MGAT5: variants seen among roughly 807,000 people sequenced by gnomAD.
MGAT5 encodes the protein alpha-1,6-mannosylglycoprotein 6-beta-N-acetylglucosaminyltransferase A.
MGAT5 carries 30 observed loss-of-function variants against 94.3 expected under a neutral mutation model. The observed-to-expected ratio is 0.32, with a 90% CI of 0.24 to 0.43. The LOEUF is 0.43. Ranked by LOEUF, MGAT5 falls within the 20% of genes least tolerant of loss-of-function variation. MGAT5 has a pLI of 1.00. For missense variants in MGAT5, 691 were observed against 905.5 expected (o/e 0.76, Z 3.04); for synonymous variants, 310 against 322.9 (o/e 0.96, Z 0.43).
At chr2:134,260,046 A>C (rs7586139) in intron 1 of MGAT5, among the ~76,000 whole-genome samples, 1 of 151,784 alleles carries the variant, frequency 6.6e-6, no homozygotes, top group South Asian at 2.1e-4. Flanking sequence ...GAGCATGCCA[A>C]GGAGAAGGCA....
Position 134,452,465 on chromosome 2 carries a change from A to C in MGAT5, c.*3618A>C, listed in dbSNP as rs1352506015. 6.6e-6 allele frequency: 1 copy of C among 152,224 alleles called. No individual in the cohort carries two copies. Among genetic ancestry groups the C allele is most frequent in the South Asian group, 2.1e-4 (1 of 4,834 alleles). The allele number at this position is 152,224 out of a possible 1,614,324, so 9.4% of individuals were successfully genotyped here. On this transcript the variant is annotated 3_prime_UTR_variant, in exon 16 of 16. Coordinates refer to ENST00000281923, the MANE Select transcript of MGAT5 (RefSeq NM_002410.5). ...TTCTTTAGTGAATGCAAGATTTAAT[A>C]AAAGTGAATAATGAGCTTCCCCTTT... is the stretch of plus-strand genomic sequence containing the variant.
intron 14 of MGAT5, among the ~76,000 whole-genome samples, chr2:134,429,089 C>A (rs574296355): frequency 6.6e-6 from 1 of 152,112 alleles, no homozygotes; most frequent in Non-Finnish European, 1.5e-5. Flanking sequence ...GACTCAGAAC[C>A]CCTGTGGGTA....
At chr2:134,368,269 T>C (rs931645397) in intron 10 of MGAT5, among the ~76,000 whole-genome samples, 25 of 152,158 alleles carry the variant, frequency 1.6e-4, no homozygotes, top group African/African-American at 5.8e-4. Context: ...AAAATGTTGC[T>C]CCTGGCTGCC....
At chr2:134,189,605 T>TTGTTTTGTTTTTG (rs761974546) in intron 1 of MGAT5, among the ~76,000 whole-genome samples, 1 of 106,624 alleles carries the variant, frequency 9.4e-6, no homozygotes, top group Non-Finnish European at 1.9e-5. Flanking sequence ...TTTTTTTGTT[T>TTGTTTTGTTTTTG]TTTTTTTTTT....
chr2:134,228,088 G>A (rs1681159235), intron 1 of MGAT5, among the ~76,000 whole-genome samples: 1 of 152,176 alleles, frequency 6.6e-6, no homozygotes. Context: ...GAGGAAAGGT[G>A]GGGATCCTCT....
At chr2:134,343,805 A>G (rs1242970923) in intron 7 of MGAT5, among the ~76,000 whole-genome samples, 3 of 152,202 alleles carry the variant, frequency 2.0e-5, no homozygotes, top group Non-Finnish European at 2.9e-5. Context: ...GAACACAGCC[A>G]TGCCTATTGT....
chr2:134,312,141 T>A (rs1484214586), intron 2 of MGAT5, among the ~76,000 whole-genome samples: 2 of 152,116 alleles, frequency 1.3e-5, no homozygotes, highest in Non-Finnish European at 2.9e-5. Flanking sequence ...TTCCAGCTAC[T>A]TGGGAGGCTG....
At chr2:134,381,382 T>TGAGA (rs1553457734) in intron 10 of MGAT5, among the ~76,000 whole-genome samples, 4 of 108,512 alleles carry the variant, frequency 3.7e-5, no homozygotes, top group Non-Finnish European at 7.9e-5. Context: ...ATAAGATAGA[T>TGAGA]TAGATAGATA....
chr2:134,432,349 A>T (rs537138986), intron 14 of MGAT5, among the ~76,000 whole-genome samples: 1 of 152,344 alleles, frequency 6.6e-6, no homozygotes, highest in East Asian at 1.9e-4. Context: ...GGAGGGTAAA[A>T]AAAAGAGTTA....
intron 1 of MGAT5, among the ~76,000 whole-genome samples, chr2:134,259,615 G>A (rs536033680): frequency 2.0e-5 from 3 of 152,272 alleles, no homozygotes; most frequent in East Asian, 3.9e-4. Context: ...ATCCCACTTT[G>A]CCTGCTGCCT....
At chr2:134,362,579 A>G (rs1444835781) in intron 10 of MGAT5, among the ~76,000 whole-genome samples, 171 bp downstream of exon 10, 1 of 152,244 alleles carries the variant, frequency 6.6e-6, no homozygotes, top group East Asian at 1.9e-4. Flanking sequence ...GTTTCTAACC[A>G]AGGCTGTATG....
chr2:134,350,442 C>G (rs1304568896), intron 9 of MGAT5, among the ~76,000 whole-genome samples: 1 of 151,702 alleles, frequency 6.6e-6, no homozygotes, highest in East Asian at 1.9e-4. Flanking sequence ...TTTTTCAATC[C>G]TAGGCCCAGA....
chr2:134,236,497 A>G (rs1257194), intron 1 of MGAT5, among the ~76,000 whole-genome samples: 101,172 of 152,022 alleles, frequency 0.67, 33,749 homozygotes, highest in South Asian at 0.69. Context: ...TGCTGTTCTC[A>G]TGATAGTGAG....
At chr2:134,197,405 G>T (rs60703395) in intron 1 of MGAT5, among the ~76,000 whole-genome samples, 1 of 152,234 alleles carries the variant, frequency 6.6e-6, no homozygotes, top group Admixed American at 6.5e-5. Context: ...AATTCAAAAG[G>T]TCGGTTGAGA....
At position 134,338,355 on chromosome 2, in the gene MGAT5, G is replaced by T. The variant is rs755158785; in HGVS notation, c.742G>T (p.Ala248Ser). ...ACTACGGATCCGGCGAATGGCTGAC[G>T]CATGGATCCAAGCAATCAAGTCCCT... ...MRLRIRRMAD[A>S]WIQAIKSLAE... Residue 248 changes from alanine (A) to serine (S), a missense_variant, in exon 6 of 16, where the codon GCA (alanine) becomes TCA (serine). Around this residue, in one of 4 missense-constraint regions of MGAT5, gnomAD observed 307 missense variants for 335.4 expected, o/e 0.92. Transcript: ENST00000281923. The T allele has an allele frequency of 2.5e-6, 4 of 1,612,844 alleles. No individual in the cohort carries two copies. Among genetic ancestry groups the T allele is most frequent in the Non-Finnish European group, 3.4e-6 (4 of 1,179,392 alleles).
At chr2:134,281,791 A>G (rs1684713011) in intron 2 of MGAT5, among the ~76,000 whole-genome samples, 2 of 152,222 alleles carry the variant, frequency 1.3e-5, no homozygotes, top group Non-Finnish European at 1.5e-5. Context: ...TCTAAACTCT[A>G]TGTTAATAGA....
At chr2:134,232,685 G>GT (rs1681431498) in intron 1 of MGAT5, among the ~76,000 whole-genome samples, 3 of 152,214 alleles carry the variant, frequency 2.0e-5, no homozygotes, top group South Asian at 4.1e-4. Flanking sequence ...CCTATGTAAT[G>GT]TTTTTTTAAT....
chr2:134,159,991 G>A (rs1315783237), intron 1 of MGAT5, among the ~76,000 whole-genome samples: 1 of 152,128 alleles, frequency 6.6e-6, no homozygotes, highest in Non-Finnish European at 1.5e-5. Context: ...GTGGTGCCAT[G>A]TATCCTAAAC....
chr2:134,334,287 G>A (rs1464210244), intron 4 of MGAT5, among the ~76,000 whole-genome samples: 1 of 152,082 alleles, frequency 6.6e-6, no homozygotes, highest in East Asian at 1.9e-4. Flanking sequence ...AATCTTGAAA[G>A]ATTCTTCTTG....
Sources: gnomAD v4.1 joint callset for allele counts (sites outside exome capture counted in the v4.1 genomes callset) on GRCh38, gnomAD v4.1.1 for gene constraint, gnomAD v4.1.1 regional missense constraint, MANE v1.5 for transcripts, NCBI Gene and HGNC (gene_info 2026-07-23, HGNC 2026-07-21) for gene names.